TMPRSS4: variants seen among roughly 807,000 people sequenced by gnomAD.
TMPRSS4 encodes the protein transmembrane protease serine 4.
Under a neutral mutation model 56.4 loss-of-function variants are expected in TMPRSS4, and 45 were observed. The ratio of observed to expected loss-of-function variants is 0.80; its 90% CI spans 0.63 to 1.02. The LOEUF (loss-of-function observed/expected upper bound fraction) is 1.02. Among genes scored for constraint, TMPRSS4 ranks in the 50% least tolerant of loss-of-function variants. The probability of loss-of-function intolerance (pLI) is 0.00; values close to 1 mark genes in which losing one functional copy is unlikely to be tolerated. For synonymous variants in TMPRSS4, 205 were observed against 211.0 expected (o/e 0.97, Z 0.25); for missense variants, 546 against 556.7 (o/e 0.98, Z 0.19).
intron 8 of TMPRSS4, 86 bp downstream of exon 8, chr11:118,111,986 CT>C: frequency 6.6e-7 from 1 of 1,521,460 alleles, no homozygotes; most frequent in Admixed American, 2.4e-5. Flanking sequence ...TGGCACCGTC[CT>C]TCTCTTCACT....
In TMPRSS4 at chr11:118,119,141, C is replaced by T. The variant is rs560488350; in HGVS notation, c.*1228C>T. The T allele has an allele frequency of 1.1e-4, 111 of 985,246 alleles. No individual in the cohort carries two copies. The highest frequency in any genetic ancestry group is 5.2e-4 in the South Asian group (11 of 21,280). 61.0% of individuals were successfully genotyped at this position (985,246 alleles called of 1,614,324 possible). A position where few individuals can be genotyped will look rare whatever the true frequency, so the allele number is the denominator to read the frequency against. Reference sequence around the variant, plus strand: ...TGCCAAAAACAAAGAAAATAGAAACCCAGAAAACAAAACAAAATAAAACAA... The same window carrying T: ...TGCCAAAAACAAAGAAAATAGAAACTCAGAAAACAAAACAAAATAAAACAA... On this transcript the variant is annotated 3_prime_UTR_variant, in exon 13 of 13. Coordinates refer to ENST00000437212, the MANE Select transcript of TMPRSS4 (RefSeq NM_019894.4).
intron 2 of TMPRSS4, among the ~76,000 whole-genome samples, chr11:118,095,676 C>G (rs1263936229): frequency 6.6e-6 from 1 of 152,086 alleles, no homozygotes; most frequent in Non-Finnish European, 1.5e-5. Flanking sequence ...TGCTCGAGGA[C>G]CAGGGAGTGA....
In TMPRSS4 at chr11:118,108,877, G is replaced by C; in HGVS notation, c.564G>C (p.Leu188=). ...CCAGGCCCTGTCTCTCAGGCTCCCT[G>C]GTCTCCCTGCACTGTCTTGGTGAGT... ...NSSGPCLSGS[L]VSLHCLACGK... Residue 188 remains leucine (L), a synonymous_variant, in exon 7 of 13, where the codon CTG becomes CTC. Coordinates refer to ENST00000437212, the MANE Select transcript of TMPRSS4 (RefSeq NM_019894.4). The C allele has an allele frequency of 1.2e-6, 2 of 1,614,058 alleles. No homozygotes were observed. The highest frequency in any genetic ancestry group is 3.3e-4 in the Middle Eastern group (2 of 6,060).
At chr11:118,108,783 T>A in intron 6 of TMPRSS4, 73 bp from the exon 7 acceptor site, 1 of 1,522,640 alleles carries the variant, frequency 6.6e-7, no homozygotes, top group Non-Finnish European at 9.1e-7. Context: ...ATTAACAGCT[T>A]CGGGAGGCCT....
intron 1 of TMPRSS4, among the ~76,000 whole-genome samples, chr11:118,082,434 G>C (rs1264132303): frequency 6.6e-6 from 1 of 152,030 alleles, no homozygotes; most frequent in Non-Finnish European, 1.5e-5. Context: ...AGTAGCTCAC[G>C]CCTGTAATCC....
rs1486743943 is a variant in TMPRSS4, at chr11:118,077,301, G to T, written c.-2G>T. 1.2e-6 allele frequency: 2 copies of T among 1,602,062 alleles called. No individual in the cohort carries two copies. Among genetic ancestry groups the T allele is most frequent in the Admixed American group, 1.7e-5 (1 of 58,644 alleles). On this transcript the variant is annotated 5_prime_UTR_variant, in exon 1 of 13. Transcript: ENST00000437212. Reference sequence around the variant, plus strand: ...GGAGACCGGGAGGATCACAGAGCCAGCATGGTGAGTGTGGGGCCCTCTGCT... The same window carrying T: ...GGAGACCGGGAGGATCACAGAGCCATCATGGTGAGTGTGGGGCCCTCTGCT...
At chr11:118,114,964 C>T (rs1387626395) in intron 10 of TMPRSS4, 37 bp downstream of exon 10, 1 of 1,569,904 alleles carries the variant, frequency 6.4e-7, no homozygotes, top group Non-Finnish European at 8.7e-7. Flanking sequence ...GCAGGAGATG[C>T]CCTTGTATGA....
At chr11:118,124,607 G>GGA (rs1343255399), downstream of TMPRSS4, among the ~76,000 whole-genome samples, 1 of 152,034 alleles carries the variant, frequency 6.6e-6, no homozygotes, top group East Asian at 1.9e-4. Flanking sequence ...AGAACTATAA[G>GGA]GAGAAATTGA....
At chr11:118,108,832 C>T (rs753916759) in intron 6 of TMPRSS4, 24 bp from the exon 7 acceptor site, 2 of 1,613,764 alleles carry the variant, frequency 1.2e-6, no homozygotes, top group Non-Finnish European at 1.7e-6. Context: ...GCTTAAATCA[C>T]AGGGCGCTGT....
chr11:118,087,179 A>G (rs1431176837), intron 1 of TMPRSS4, among the ~76,000 whole-genome samples: 1 of 152,060 alleles, frequency 6.6e-6, no homozygotes, highest in Non-Finnish European at 1.5e-5. Flanking sequence ...TGAAGCTGTC[A>G]CCCTCTTTTG....
rs935104001 is a variant in TMPRSS4 at position 118,096,374 on chromosome 11, T to C, written c.43+1519T>C. Among the ~76,000 whole-genome samples the C allele has an allele frequency of 6.6e-5, 10 of 152,218 alleles. No homozygotes were observed. The East Asian group carries it at 9.6e-4, about 15-fold the overall frequency. ...ACAGATTCATTAATACTAGCATTCA[T>C]TGGGCGCCAATCTCTAGCAGGATGC... is the stretch of plus-strand genomic sequence containing the variant. On this transcript the variant is annotated intron_variant, in intron 2 of 12. Transcript: ENST00000437212.
chr11:118,122,513 G>A (rs559043181), downstream of TMPRSS4, among the ~76,000 whole-genome samples: 1 of 152,250 alleles, frequency 6.6e-6, no homozygotes, highest in Admixed American at 6.5e-5. Context: ...CAAACAAAGA[G>A]AAGAAAATAG....
intron 8 of TMPRSS4, 83 bp downstream of exon 8, chr11:118,111,983 G>A (rs1017094169): frequency 1.8e-5 from 28 of 1,534,840 alleles, no homozygotes; most frequent in South Asian, 6.3e-5. Context: ...TCCTGGCACC[G>A]TCCTTCTCTT....
chr11:118,116,224 G>C (rs1243060486), intron 11 of TMPRSS4, among the ~76,000 whole-genome samples: 3 of 152,156 alleles, frequency 2.0e-5, no homozygotes, highest in Non-Finnish European at 4.4e-5. Context: ...AAAATGCTGG[G>C]ATTACAGGCA....
At chr11:118,102,873 G>A (rs1946786868) in intron 3 of TMPRSS4, 1 of 552,462 alleles carries the variant, frequency 1.8e-6, no homozygotes, top group East Asian at 3.1e-5. Flanking sequence ...GACCTCTCTT[G>A]ACTCCGCAGA....
chr11:118,103,527 G>A (rs1946838663), intron 4 of TMPRSS4, among the ~76,000 whole-genome samples: 1 of 152,170 alleles, frequency 6.6e-6, no homozygotes, highest in Admixed American at 6.5e-5. Context: ...GATTACAGGT[G>A]CCAGCCACCA....
intron 2 of TMPRSS4, among the ~76,000 whole-genome samples, chr11:118,096,157 G>C (rs895646980): frequency 6.6e-6 from 1 of 152,218 alleles, no homozygotes; most frequent in Non-Finnish European, 1.5e-5. Context: ...ACAGGAAAGA[G>C]GACAATTCTG....
intron 1 of TMPRSS4, among the ~76,000 whole-genome samples, chr11:118,086,247 A>G (rs1247854600): frequency 6.6e-6 from 1 of 152,232 alleles, no homozygotes; most frequent in Non-Finnish European, 1.5e-5. Flanking sequence ...TTCTTAAATG[A>G]TGGGAGCTGA....
At chr11:118,117,278 A>G in intron 11 of TMPRSS4, 27 bp from the exon 12 acceptor site, 1 of 1,613,446 alleles carries the variant, frequency 6.2e-7, no homozygotes, top group South Asian at 1.1e-5. Flanking sequence ...TGCCCTCCCC[A>G]GCAGTCTCTG....
Sources: gnomAD v4.1 joint callset for allele counts (sites outside exome capture counted in the v4.1 genomes callset) on GRCh38, gnomAD v4.1.1 for gene constraint, MANE v1.5 for transcripts, NCBI Gene and HGNC (gene_info 2026-07-23, HGNC 2026-07-21) for gene names.